Variants in PBX3 observed in about 807,000 individuals in gnomAD.
PBX3 encodes pre-B-cell leukemia transcription factor 3.
PBX3 carries 14 observed loss-of-function variants against 48.5 expected under a neutral mutation model. The ratio of observed to expected loss-of-function variants is 0.29; its 90% CI spans 0.19 to 0.45. The LOEUF (loss-of-function observed/expected upper bound fraction) is 0.45, where lower values mean the gene tolerates loss of function less well. Among genes scored for constraint, PBX3 ranks in the 20% least tolerant of loss-of-function variants. The pLI is 1.00. For missense variants in PBX3, 386 were observed against 546.7 expected (o/e 0.71, Z 2.93); for synonymous variants, 210 against 200.3 (o/e 1.05, Z -0.41).
chr9:125,829,570 A>G (rs1467011168), intron 2 of PBX3, among the ~76,000 whole-genome samples: 1 of 152,164 alleles, frequency 6.6e-6, no homozygotes, highest in Non-Finnish European at 1.5e-5. Flanking sequence ...AAAACTCATT[A>G]TAGGAGATGA....
intron 2 of PBX3, among the ~76,000 whole-genome samples, chr9:125,787,409 AG>A (rs1231950966): frequency 5.3e-5 from 8 of 152,244 alleles, no homozygotes; most frequent in African/African-American, 1.9e-4. Context: ...GTCCTGGAAT[AG>A]TTACTCCAGA....
intron 2 of PBX3, among the ~76,000 whole-genome samples, chr9:125,848,942 A>ACT (rs1175318337): frequency 6.6e-6 from 1 of 152,000 alleles, no homozygotes; most frequent in African/African-American, 2.4e-5. Flanking sequence ...AGCTTGGTAA[A>ACT]GAACAGAAAC....
Position 125,873,043 on chromosome 9 carries a change from A to G in PBX3, c.275-42643A>G, listed in dbSNP as rs555515832. On this transcript the variant is annotated intron_variant, in intron 2 of 8. Transcript: ENST00000373489. ...TGAAACCCCGTCTCTACTAAAAAAAATACAAAAATTAGCCAGGCGTGGTGG... is the reference window on the plus strand; with the variant it reads ...TGAAACCCCGTCTCTACTAAAAAAAGTACAAAAATTAGCCAGGCGTGGTGG... 2.6e-5 allele frequency among the ~76,000 whole-genome samples: 4 copies of G among 152,094 alleles called. No homozygotes were observed. In the East Asian group the frequency reaches 5.8e-4, roughly 22 times the overall value.
chr9:125,921,543 A>G (rs1206743376), intron 3 of PBX3, among the ~76,000 whole-genome samples: 2 of 152,184 alleles, frequency 1.3e-5, no homozygotes, highest in Admixed American at 6.5e-5. Context: ...AACATACATT[A>G]TATAATATAA....
chr9:125,966,124 A>AG lies in PBX3; in HGVS notation c.*201_*202insG. 4.5e-6 allele frequency: 2 copies of AG among 441,672 alleles called. No homozygotes were observed. Among genetic ancestry groups the AG allele is most frequent in the South Asian group, 9.5e-5 (2 of 21,034 alleles). 27.4% of individuals were successfully genotyped at this position (441,672 alleles called of 1,614,324 possible). On this transcript the variant is annotated 3_prime_UTR_variant, in exon 9 of 9. Transcript: ENST00000373489. ...TTAAAAACACACAATGTTAAAAAAA[A>AG]TAAAGCACTTTATCCAATTAGGCCA...
intron 3 of PBX3, among the ~76,000 whole-genome samples, chr9:125,926,601 G>A (rs1168522430): frequency 6.6e-6 from 1 of 151,972 alleles, no homozygotes; most frequent in Non-Finnish European, 1.5e-5. Flanking sequence ...TAGATCACTT[G>A]AGGTCAGGAG....
intron 2 of PBX3, among the ~76,000 whole-genome samples, chr9:125,835,121 C>T (rs1017562121): frequency 3.3e-5 from 5 of 150,646 alleles, no homozygotes; most frequent in African/African-American, 9.8e-5. Context: ...TGGAAAAAGT[C>T]CATCCTCACT....
intron 2 of PBX3, among the ~76,000 whole-genome samples, chr9:125,756,593 C>T (rs1298402494): frequency 6.6e-6 from 1 of 152,176 alleles, no homozygotes; most frequent in Non-Finnish European, 1.5e-5. Context: ...ACCACTGTAG[C>T]TGTGACTCTG....
Position 125,747,376 on chromosome 9 carries a change from C to G in PBX3, c.-78C>G. The G allele has an allele frequency of 1.4e-6, 1 of 694,858 alleles. No individual in the cohort carries two copies. Among genetic ancestry groups the G allele is most frequent in the Non-Finnish European group, 2.0e-6 (1 of 504,602 alleles). The allele number at this position is 694,858 out of a possible 1,614,324, so 43.0% of individuals were successfully genotyped here. ...CCTCCCCCTCCCCCTCTTTCTTCTC[C>G]TCCCTCGTCGCCGCCGCCGCCGCCG... On this transcript the variant is annotated 5_prime_UTR_variant, in exon 1 of 9. Transcript: ENST00000373489.
At chr9:125,861,787 A>G (rs1025159245) in intron 2 of PBX3, among the ~76,000 whole-genome samples, 33 of 152,216 alleles carry the variant, frequency 2.2e-4, no homozygotes, top group African/African-American at 7.5e-4. Flanking sequence ...AGAGAAAGAA[A>G]GTAGATTAGT....
chr9:125,899,450 T>TAGAGAGAGAG (rs1345619408), intron 2 of PBX3, among the ~76,000 whole-genome samples: 8 of 79,328 alleles, frequency 1.0e-4, no homozygotes, highest in Admixed American at 4.4e-4. Flanking sequence ...TGTATATATA[T>TAGAGAGAGAG]ATATAGAGAG....
At chr9:125,750,616 G>T (rs984685410) in intron 2 of PBX3, among the ~76,000 whole-genome samples, 1 of 152,178 alleles carries the variant, frequency 6.6e-6, no homozygotes, top group African/African-American at 2.4e-5. Flanking sequence ...GCTGACAAAA[G>T]AAATTTTTGT....
intron 2 of PBX3, among the ~76,000 whole-genome samples, chr9:125,807,925 GT>G (rs1210989033): frequency 6.6e-6 from 1 of 152,116 alleles, no homozygotes; most frequent in Non-Finnish European, 1.5e-5. Context: ...GTATACATCA[GT>G]TTTTAATTAA....
At chr9:125,847,718 C>CT (rs34330364) in intron 2 of PBX3, among the ~76,000 whole-genome samples, 3,700 of 140,134 alleles carry the variant, frequency 0.026, 161 homozygotes, top group East Asian at 0.17. Context: ...TAGTTTCCAA[C>CT]TTTTTTTTTT....
intron 2 of PBX3, among the ~76,000 whole-genome samples, chr9:125,794,171 TGAG>T (rs1837705545): frequency 6.6e-6 from 1 of 152,184 alleles, no homozygotes; most frequent in African/African-American, 2.4e-5. Flanking sequence ...CGGGAGTTGA[TGAG>T]GAGGAAAAAA....
intron 2 of PBX3, among the ~76,000 whole-genome samples, chr9:125,881,935 T>C (rs1031750107): frequency 1.3e-5 from 2 of 152,004 alleles, no homozygotes; most frequent in African/African-American, 4.8e-5. Flanking sequence ...TTTATGCCTA[T>C]AGTCTCTGCA....
chr9:125,797,102 T>C (rs1041311544), intron 2 of PBX3, among the ~76,000 whole-genome samples: 1 of 152,132 alleles, frequency 6.6e-6, no homozygotes, highest in African/African-American at 2.4e-5. Context: ...AGAATTATAA[T>C]ACTATAGTGA....
intron 2 of PBX3, among the ~76,000 whole-genome samples, chr9:125,826,546 GTATT>G (rs1454064625): frequency 6.6e-6 from 1 of 152,014 alleles, no homozygotes; most frequent in Non-Finnish European, 1.5e-5. Flanking sequence ...TCACTACTAA[GTATT>G]TAGACAGTTC....
At chr9:125,847,086 A>G (rs976568775) in intron 2 of PBX3, among the ~76,000 whole-genome samples, 3 of 151,522 alleles carry the variant, frequency 2.0e-5, no homozygotes, top group Admixed American at 1.3e-4. Flanking sequence ...TTAATTATTT[A>G]TTTTCCTGGA....
Sources: allele counts gnomAD v4.1 joint callset (sites outside exome capture counted in the v4.1 genomes callset), GRCh38; gene constraint gnomAD v4.1.1; transcripts MANE v1.5; gene names NCBI Gene and HGNC (gene_info 2026-07-23, HGNC 2026-07-21).